Variants in ADAMTSL3 observed in about 807,000 individuals in gnomAD.
The protein encoded by ADAMTSL3 is ADAMTS like 3.
ADAMTSL3 carries 128 observed loss-of-function variants against 201.7 expected under a neutral mutation model. The ratio of observed to expected loss-of-function variants is 0.63; its 90% confidence interval spans 0.55 to 0.73. The LOEUF (loss-of-function observed/expected upper bound fraction) is 0.73. Among genes scored for constraint, ADAMTSL3 ranks in the 30% least tolerant of loss-of-function variants. The probability of loss-of-function intolerance (pLI) is 0.00; values close to 1 mark genes in which losing one functional copy is unlikely to be tolerated. For synonymous variants in ADAMTSL3, 738 were observed against 748.4 expected, an observed-to-expected ratio of 0.99 and a Z score of 0.23; for missense variants, 1,990 against 2,119.6, an observed-to-expected ratio of 0.94 and a Z score of 1.20.
intron 23 of ADAMTSL3, among the ~76,000 whole-genome samples, chr15:84,002,037 T>G (rs985544628): frequency 5.9e-5 from 9 of 152,240 alleles, no homozygotes; most frequent in African/African-American, 2.2e-4. Flanking sequence ...TATAAAACAA[T>G]TATCTGCTCT....
At chr15:83,805,372 A>G (rs1012251868) in intron 5 of ADAMTSL3, among the ~76,000 whole-genome samples, 10 of 152,152 alleles carry the variant, frequency 6.6e-5, no homozygotes, top group African/African-American at 1.4e-4. Context: ...AACCTGGCCA[A>G]TGTGGTGAAA....
chr15:83,832,656 TC>T (rs1317654648), intron 6 of ADAMTSL3, among the ~76,000 whole-genome samples: 1 of 151,982 alleles, frequency 6.6e-6, no homozygotes, highest in Non-Finnish European at 1.5e-5. Flanking sequence ...AGGGCCTACT[TC>T]CTGCTTCCTG....
chr15:83,981,149 G>A (rs2141805969), intron 20 of ADAMTSL3, among the ~76,000 whole-genome samples: 1 of 152,278 alleles, frequency 6.6e-6, no homozygotes, highest in South Asian at 2.1e-4. Context: ...TCATCAAAGA[G>A]GATCCAGACT....
chr15:83,698,831 G>C (rs1213647881), intron 2 of ADAMTSL3, among the ~76,000 whole-genome samples: 1 of 152,080 alleles, frequency 6.6e-6, no homozygotes, highest in Non-Finnish European at 1.5e-5. Flanking sequence ...AGATCCAAGG[G>C]ATACTTCTCT....
Position 83,858,845 on chromosome 15 carries a change from G to A in ADAMTSL3, c.802+5G>A. On this transcript the variant is annotated splice_donor_5th_base_variant and intron_variant, in intron 8 of 29. Coordinates refer to ENST00000286744, the MANE Select transcript of ADAMTSL3 (RefSeq NM_207517.3). Reference sequence around the variant, plus strand: ...TGAAAGGACCTGCCCACCTCTGTAAGTAGAATTTAATCTTAACATTTTTTA... The same window carrying A: ...TGAAAGGACCTGCCCACCTCTGTAAATAGAATTTAATCTTAACATTTTTTA... The A allele has an allele frequency of 6.2e-7, 1 of 1,600,806 alleles. No individual in the cohort carries two copies. The highest frequency in any genetic ancestry group is 8.5e-7 in the Non-Finnish European group (1 of 1,172,440).
At chr15:83,906,357 T>C (rs1461220618) in intron 15 of ADAMTSL3, among the ~76,000 whole-genome samples, 1 of 152,076 alleles carries the variant, frequency 6.6e-6, no homozygotes, top group Non-Finnish European at 1.5e-5. Flanking sequence ...TAATTTTGAG[T>C]CTTCCCATTC....
chr15:83,720,671 A>G (rs911575546), intron 3 of ADAMTSL3, among the ~76,000 whole-genome samples: 2 of 152,234 alleles, frequency 1.3e-5, no homozygotes, highest in African/African-American at 4.8e-5. Flanking sequence ...TTAAGTACTA[A>G]ACTATTTTAA....
At chr15:83,886,175 T>C (rs1017535544) in intron 10 of ADAMTSL3, among the ~76,000 whole-genome samples, 2 of 152,170 alleles carry the variant, frequency 1.3e-5, no homozygotes, top group Non-Finnish European at 2.9e-5. Flanking sequence ...CTGGAGCAAA[T>C]TAGGAGGCAA....
intron 23 of ADAMTSL3, among the ~76,000 whole-genome samples, chr15:84,004,861 T>C (rs2067866189): frequency 6.6e-6 from 1 of 152,194 alleles, no homozygotes; most frequent in Non-Finnish European, 1.5e-5. Context: ...GAACAGCACA[T>C]AGAACAGCTT....
chr15:83,742,353 G>A (rs912936993), intron 3 of ADAMTSL3, among the ~76,000 whole-genome samples: 1 of 152,036 alleles, frequency 6.6e-6, no homozygotes, highest in Non-Finnish European at 1.5e-5. Context: ...GCTTTAATTA[G>A]AGAAAACTTC....
intron 3 of ADAMTSL3, among the ~76,000 whole-genome samples, chr15:83,745,036 C>T (rs1256202157): frequency 6.6e-6 from 1 of 152,202 alleles, no homozygotes; most frequent in East Asian, 1.9e-4. Context: ...CATGGCCTGC[C>T]CTGCCCCACA....
chr15:83,709,157 A>C (rs192851938), intron 3 of ADAMTSL3, among the ~76,000 whole-genome samples: 1 of 152,372 alleles, frequency 6.6e-6, no homozygotes, highest in East Asian at 1.9e-4. Flanking sequence ...TCCTTCAGGA[A>C]TTTGGAATTA....
At chr15:83,731,597 T>G (rs1311052900) in intron 3 of ADAMTSL3, among the ~76,000 whole-genome samples, 1 of 152,056 alleles carries the variant, frequency 6.6e-6, no homozygotes, top group African/African-American at 2.4e-5. Context: ...TGAAGAGATA[T>G]CTGCACTCCC....
chr15:83,970,722 G>C (rs1012560164), intron 20 of ADAMTSL3, 85 bp downstream of exon 20: 1 of 1,532,900 alleles, frequency 6.5e-7, no homozygotes, highest in Non-Finnish European at 8.9e-7. Context: ...TACGTCAACA[G>C]ATTTCTAATC....
intron 17 of ADAMTSL3, among the ~76,000 whole-genome samples, chr15:83,933,352 C>G (rs756150963): frequency 5.3e-5 from 8 of 152,018 alleles, no homozygotes; most frequent in Non-Finnish European, 1.0e-4. Flanking sequence ...GAACTTTAAA[C>G]CAGAGGGGGT....
chr15:83,919,525 T>C (rs938748279), intron 16 of ADAMTSL3, among the ~76,000 whole-genome samples: 2 of 151,994 alleles, frequency 1.3e-5, no homozygotes, highest in Non-Finnish European at 2.9e-5. Context: ...GGAGCAGAGA[T>C]GGAAACCAGA....
intron 2 of ADAMTSL3, among the ~76,000 whole-genome samples, chr15:83,700,695 C>A (rs1202444714): frequency 2.6e-5 from 4 of 152,034 alleles, no homozygotes; most frequent in African/African-American, 9.7e-5. Context: ...ACCTGTGAGG[C>A]GGAGAGTGCA....
intron 28 of ADAMTSL3, among the ~76,000 whole-genome samples, chr15:84,033,691 G>A (rs1013484167): frequency 6.6e-6 from 1 of 151,832 alleles, no homozygotes; most frequent in African/African-American, 2.4e-5. Context: ...ACAAAAAAAC[G>A]TGCTCAAGTC....
At chr15:83,875,907 T>C (rs2065168874) in intron 9 of ADAMTSL3, among the ~76,000 whole-genome samples, 1 of 152,240 alleles carries the variant, frequency 6.6e-6, no homozygotes, top group Non-Finnish European at 1.5e-5. Flanking sequence ...AAATGGATGC[T>C]GGTAGGCAAT....
Sources: gnomAD v4.1 joint callset for allele counts (sites outside exome capture counted in the v4.1 genomes callset) on GRCh38, gnomAD v4.1.1 for gene constraint, MANE v1.5 for transcripts, NCBI Gene and HGNC (gene_info 2026-07-23, HGNC 2026-07-21) for gene names.